APELA: variants seen among roughly 807,000 people sequenced by gnomAD.
APELA encodes protein Elabela.
chr4:164,890,138 C>T (rs190262315), intron 2 of APELA, among the ~76,000 whole-genome samples: 50 of 152,236 alleles, frequency 3.3e-4, no homozygotes, highest in Middle Eastern at 3.4e-3. Context: ...TTTTGAACAA[C>T]GCTGCAGTGA....
chr4:164,893,124 A>G (rs918705446), intron 2 of APELA, among the ~76,000 whole-genome samples: 1 of 151,978 alleles, frequency 6.6e-6, no homozygotes, highest in Non-Finnish European at 1.5e-5. Context: ...AATCATTATT[A>G]TTTCCTTGCT....
At chr4:164,894,058 C>G (rs934582077) in intron 2 of APELA, among the ~76,000 whole-genome samples, 1 of 152,120 alleles carries the variant, frequency 6.6e-6, no homozygotes, top group African/African-American at 2.4e-5. Flanking sequence ...CGTGGTGGCT[C>G]ACACCTATAA....
At chr4:164,887,350 C>A (rs1227728940) in intron 2 of APELA, among the ~76,000 whole-genome samples, 1 of 151,968 alleles carries the variant, frequency 6.6e-6, no homozygotes, top group Non-Finnish European at 1.5e-5. Flanking sequence ...GCTGTGGGTC[C>A]CCTTCTCTCC....
rs1477593728 is a variant in APELA, at chr4:164,897,204, A to G, written c.*1790A>G. The G allele has an allele frequency of 6.6e-6, 1 of 152,210 alleles. No individual in the cohort carries two copies. Among genetic ancestry groups the G allele is most frequent in the African/African-American group, 2.4e-5 (1 of 41,460 alleles). 9.4% of individuals were successfully genotyped at this position (152,210 alleles called of 1,614,324 possible). ...AATGTAATTTTAAATAGAAAATCTG[A>G]CAACACTGTCGAGTTTGTCTTCCTG... On this transcript the variant is annotated 3_prime_UTR_variant, in exon 3 of 3. Coordinates refer to ENST00000507152, the MANE Select transcript of APELA (RefSeq NM_001297550.2).
Position 164,878,996 on chromosome 4 carries a change from A to G in APELA, c.153A>G (p.Val51=). Residue 51 remains valine (V), a synonymous_variant, in exon 2 of 3, where the codon GTA becomes GTG. Coordinates refer to ENST00000507152, the MANE Select transcript of APELA (RefSeq NM_001297550.2). ...GATGTATGCCTCTCCATTCACGAGT[A>G]CCCTTTCCCTGAGGTATTTCTGACA... ...QRRCMPLHSR[V]PFP 2.5e-6 allele frequency: 1 copy of G among 398,936 alleles called. No individual in the cohort carries two copies. The highest frequency in any genetic ancestry group is 4.4e-6 in the Non-Finnish European group (1 of 226,018). 24.7% of individuals were successfully genotyped at this position (398,936 alleles called of 1,614,324 possible). A position where few individuals can be genotyped will look rare whatever the true frequency, so the allele number is the denominator to read the frequency against.
chr4:164,890,478 C>A (rs560690607), intron 2 of APELA, among the ~76,000 whole-genome samples: 1 of 152,162 alleles, frequency 6.6e-6, no homozygotes, highest in Non-Finnish European at 1.5e-5. Context: ...TCTAGATATT[C>A]CATATAAATG....
intron 2 of APELA, among the ~76,000 whole-genome samples, chr4:164,892,469 T>C (rs1730900779): frequency 6.6e-6 from 1 of 152,230 alleles, no homozygotes; most frequent in Non-Finnish European, 1.5e-5. Context: ...TAACATTGTA[T>C]TTCCGAGGTA....
intron 2 of APELA, among the ~76,000 whole-genome samples, chr4:164,886,199 G>A (rs1458371119): frequency 6.6e-6 from 1 of 151,882 alleles, no homozygotes. Flanking sequence ...GGGCATTCCT[G>A]TGTGGGCTGA....
At chr4:164,888,671 C>T (rs969530592) in intron 2 of APELA, among the ~76,000 whole-genome samples, 10 of 152,150 alleles carry the variant, frequency 6.6e-5, no homozygotes, top group East Asian at 3.8e-4. Context: ...ACAAGCTCAA[C>T]GACTGTTTAC....
At chr4:164,881,544 C>G (rs1456051409) in intron 2 of APELA, among the ~76,000 whole-genome samples, 1 of 135,946 alleles carries the variant, frequency 7.4e-6, no homozygotes, top group Non-Finnish European at 1.6e-5. Flanking sequence ...ATTTTTTTTT[C>G]TCAGAAATAT....
intron 2 of APELA, among the ~76,000 whole-genome samples, chr4:164,895,175 G>T (rs1472939792): frequency 6.6e-6 from 1 of 152,180 alleles, no homozygotes; most frequent in Non-Finnish European, 1.5e-5. Context: ...TCCAGCCTGG[G>T]CAACAGAGTG....
intron 2 of APELA, among the ~76,000 whole-genome samples, chr4:164,885,811 CTT>C (rs1560858829): frequency 6.6e-6 from 1 of 151,890 alleles, no homozygotes; most frequent in Non-Finnish European, 1.5e-5. Context: ...AAATTTAAGA[CTT>C]GTTCTCACTA....
intron 2 of APELA, among the ~76,000 whole-genome samples, chr4:164,881,319 G>A (rs1293112741): frequency 6.6e-6 from 1 of 152,128 alleles, no homozygotes; most frequent in Non-Finnish European, 1.5e-5. Flanking sequence ...GTAAGACTTT[G>A]TAAAAGGATA....
At chr4:164,889,001 T>C (rs902809412) in intron 2 of APELA, among the ~76,000 whole-genome samples, 3 of 151,740 alleles carry the variant, frequency 2.0e-5, no homozygotes, top group Admixed American at 6.6e-5. Flanking sequence ...GTGTGTACCA[T>C]ATATAACTTC....
chr4:164,884,140 A>C (rs1730720655), intron 2 of APELA, among the ~76,000 whole-genome samples: 1 of 149,274 alleles, frequency 6.7e-6, no homozygotes. Context: ...AGAAAGAAAG[A>C]AAGAAAGAAA....
In APELA at chr4:164,896,329, GAA is replaced by G. The variant is rs1353487791; in HGVS notation, c.*916_*917del. The G allele has an allele frequency of 1.3e-5, 2 of 152,094 alleles. No homozygotes were observed. Among genetic ancestry groups the G allele is most frequent in the Admixed American group, 6.6e-5 (1 of 15,246 alleles). 9.4% of individuals were successfully genotyped at this position (152,094 alleles called of 1,614,324 possible). ...CCAGGCTGGTCTTGAACTCAGGCTG[GAA>G]CCATTCATTTTTTAACCTTTCTCAT... On this transcript the variant is annotated 3_prime_UTR_variant, in exon 3 of 3. Coordinates refer to ENST00000507152, the MANE Select transcript of APELA (RefSeq NM_001297550.2).
intron 2 of APELA, among the ~76,000 whole-genome samples, chr4:164,889,364 T>C (rs1730837774): frequency 6.6e-6 from 1 of 152,200 alleles, no homozygotes; most frequent in African/African-American, 2.4e-5. Context: ...ATATACACAT[T>C]ATTTAAACAT....
At chr4:164,881,649 C>G (rs1353995848) in intron 2 of APELA, among the ~76,000 whole-genome samples, 1 of 151,832 alleles carries the variant, frequency 6.6e-6, no homozygotes, top group East Asian at 1.9e-4. Flanking sequence ...TGTGAGGGCC[C>G]TAGAGTGGAA....
chr4:164,884,004 CAGAA>C (rs1463111299), intron 2 of APELA, among the ~76,000 whole-genome samples: 2 of 115,374 alleles, frequency 1.7e-5, no homozygotes, highest in African/African-American at 6.6e-5. Context: ...AGAAAGAAGA[CAGAA>C]AGAGAGGAAG....
Sources: allele counts gnomAD v4.1 joint callset (sites outside exome capture counted in the v4.1 genomes callset), GRCh38; gene constraint gnomAD v4.1.1; transcripts MANE v1.5; gene names NCBI Gene and HGNC (gene_info 2026-07-23, HGNC 2026-07-21).